The following C10orf90 variants were observed in gnomAD, a reference collection of about 807,000 sequenced individuals.
C10orf90 encodes the protein chromosome 10 open reading frame 90, also known as (E2-independent) E3 ubiquitin-conjugating enzyme FATS.
A neutral mutation model predicts 62.5 loss-of-function variants in C10orf90; 56 were observed. The ratio of observed to expected loss-of-function variants is 0.90; its 90% CI spans 0.72 to 1.12. The LOEUF (loss-of-function observed/expected upper bound fraction) is 1.12. C10orf90 is among the 50% of genes most tolerant of loss of function. The pLI is 0.00. For synonymous variants in C10orf90, 386 were observed against 340.4 expected (o/e 1.13, Z -1.47); for missense variants, 970 against 880.4 (o/e 1.10, Z -1.29).
At chr10:126,564,608 A>G (rs553946816) in intron 2 of C10orf90, among the ~76,000 whole-genome samples, 4 of 149,810 alleles carry the variant, frequency 2.7e-5, no homozygotes, top group African/African-American at 9.8e-5. Context: ...TTGAAACCAT[A>G]GCAACCTCCT....
intron 4 of C10orf90, among the ~76,000 whole-genome samples, chr10:126,471,926 A>AACAC (rs755164094): frequency 1.1e-5 from 1 of 92,636 alleles, no homozygotes; most frequent in Non-Finnish European, 2.0e-5. Context: ...GCAGAAATAA[A>AACAC]ACACACACAC....
rs188799917 is a variant in C10orf90, at chr10:126,584,845, T to C, written c.313+61720A>G. Among the ~76,000 whole-genome samples the C allele has an allele frequency of 3.8e-4, 58 of 151,328 alleles. 1 individual carries two copies. Among genetic ancestry groups the C allele is most frequent in the African/African-American group, 1.3e-3 (54 of 41,410 alleles). On this transcript the variant is annotated intron_variant, in intron 2 of 9. Transcript: ENST00000488181. ...GATCCCTGAGTGACACTATATGATGTGTGTGTGTGTGTGTTGGTAGAGCTC... is the reference window on the plus strand; with the variant it reads ...GATCCCTGAGTGACACTATATGATGCGTGTGTGTGTGTGTTGGTAGAGCTC...
rs878949429 is a variant in C10orf90, at chr10:126,584,622, G to A, written c.313+61943C>T. ...TTCAGGAGAGATGTACTTTGCTCAC[G>A]TGTGCCCATGTTTTGCCCCTGTCCC... is the stretch of plus-strand genomic sequence containing the variant. On this transcript the variant is annotated intron_variant, in intron 2 of 9. Coordinates refer to ENST00000488181, the MANE Select transcript of C10orf90 (RefSeq NM_001350921.2). Among the ~76,000 whole-genome samples the A allele has an allele frequency of 6.6e-5, 10 of 152,150 alleles. 1 individual carries two copies. Among genetic ancestry groups the A allele is most frequent in the Admixed American group, 3.9e-4 (6 of 15,280 alleles).
At chr10:126,435,987 C>T (rs570113821) in intron 7 of C10orf90, among the ~76,000 whole-genome samples, 218 of 152,270 alleles carry the variant, frequency 1.4e-3, no homozygotes, top group Middle Eastern at 3.4e-3. Flanking sequence ...GGTTACTCCT[C>T]AAGAGATCCA....
intron 4 of C10orf90, among the ~76,000 whole-genome samples, chr10:126,483,693 T>G (rs909806526): frequency 1.3e-5 from 2 of 152,250 alleles, no homozygotes; most frequent in African/African-American, 4.8e-5. Flanking sequence ...AGCATAGATT[T>G]CATGCCAACC....
chr10:126,575,864 A>G (rs1363152421), intron 2 of C10orf90, among the ~76,000 whole-genome samples: 5 of 152,094 alleles, frequency 3.3e-5, no homozygotes, highest in Non-Finnish European at 7.4e-5. Context: ...AAACTGAGTC[A>G]CTATAGGCAG....
chr10:126,465,249 G>T (rs1209394164), intron 4 of C10orf90, among the ~76,000 whole-genome samples: 1 of 152,134 alleles, frequency 6.6e-6, no homozygotes, highest in Non-Finnish European at 1.5e-5. Flanking sequence ...TGGGGCCAGA[G>T]TACTTGAGTT....
intron 2 of C10orf90, chr10:126,521,413 G>A: frequency 6.3e-7 from 1 of 1,595,858 alleles, no homozygotes; most frequent in Non-Finnish European, 8.5e-7. Flanking sequence ...AAAATGTCCG[G>A]AGTTTACCTC....
chr10:126,504,421 C>A lies in C10orf90; in HGVS notation c.1070G>T (p.Cys357Phe), dbSNP rs772739499. ...GTCTACGTAATAGATTGAATCTGGA[C>A]ACTGCTGAGACACCCTGAGGTGGAC... ...SCVHLRVSQQ[C>F]PDSIYYVDKS... Residue 357 changes from cysteine (C) to phenylalanine (F), a missense_variant, in exon 4 of 10, where the codon TGT becomes TTT. Coordinates refer to ENST00000488181, the MANE Select transcript of C10orf90 (RefSeq NM_001350921.2). This position sits in a 1 kb window ranked among gnomAD's most constrained non-coding sequence, Gnocchi z 4.1. 11 of 1,614,198 alleles carry A rather than the reference C, an allele frequency of 6.8e-6. No homozygotes were observed. The highest frequency in any genetic ancestry group is 9.3e-6 in the Non-Finnish European group (11 of 1,180,038).
Position 126,504,228 on chromosome 10 carries a change from C to T in C10orf90, c.1263G>A (p.Leu421=), listed in dbSNP as rs760873210. The T allele has an allele frequency of 6.8e-6, 11 of 1,614,180 alleles. No individual in the cohort carries two copies. The South Asian group carries it at 1.1e-4, about 16-fold the overall frequency. The change falls in exon 4 of 10, where the codon CTG becomes CTA. Residue 421 remains leucine, a synonymous_variant. Coordinates refer to ENST00000488181, the MANE Select transcript of C10orf90 (RefSeq NM_001350921.2). The surrounding 1 kb of genome is among the most constrained non-coding windows in gnomAD (Gnocchi z 4.1). ...PISEALKQEL[L]EGDQDLVGQR... Reference sequence around the variant, plus strand: ...GGCCTACGAGGTCCTGGTCTCCCTCCAGGAGCTCCTGCTTCAGGGCTTCGC... The same window carrying T: ...GGCCTACGAGGTCCTGGTCTCCCTCTAGGAGCTCCTGCTTCAGGGCTTCGC...
intron 7 of C10orf90, among the ~76,000 whole-genome samples, chr10:126,447,690 A>T (rs940406982): frequency 1.3e-5 from 2 of 152,218 alleles, no homozygotes; most frequent in African/African-American, 4.8e-5. Flanking sequence ...GCTTTCACAG[A>T]TATACACAGA....
chr10:126,571,669 A>C (rs1289805709), intron 2 of C10orf90, among the ~76,000 whole-genome samples: 1 of 152,172 alleles, frequency 6.6e-6, no homozygotes, highest in African/African-American at 2.4e-5. Flanking sequence ...GACCTGGGGC[A>C]CTGGGTGGGT....
intron 4 of C10orf90, among the ~76,000 whole-genome samples, chr10:126,502,071 CCACA>C (rs1177011036): frequency 1.4e-5 from 2 of 144,540 alleles, no homozygotes; most frequent in Admixed American, 1.4e-4. Flanking sequence ...CACACACACA[CCACA>C]CACACACACC....
chr10:126,560,178 T>G (rs1864868563), intron 2 of C10orf90, among the ~76,000 whole-genome samples: 1 of 152,176 alleles, frequency 6.6e-6, no homozygotes, highest in Admixed American at 6.5e-5. Context: ...CAGCAAGAAT[T>G]ACTTTCAGAA....
chr10:126,503,852 G>A (rs1309054641), intron 4 of C10orf90, 105 bp downstream of exon 4: 1 of 1,371,678 alleles, frequency 7.3e-7, no homozygotes, highest in Non-Finnish European at 9.9e-7. Flanking sequence ...CAAGTCTACT[G>A]AGAAATGCCT....
At chr10:126,486,436 T>G (rs1250463160) in intron 4 of C10orf90, among the ~76,000 whole-genome samples, 1 of 152,102 alleles carries the variant, frequency 6.6e-6, no homozygotes, top group Non-Finnish European at 1.5e-5. Flanking sequence ...CTTAATAATA[T>G]AAGAAACAAC....
At chr10:126,489,294 A>C (rs773030216) in intron 4 of C10orf90, among the ~76,000 whole-genome samples, 17 of 152,308 alleles carry the variant, frequency 1.1e-4, no homozygotes, top group Non-Finnish European at 1.9e-4. Flanking sequence ...CTACAGGTGC[A>C]TAAAAAGCAC....
chr10:126,443,605 A>G (rs1380118395), intron 7 of C10orf90, among the ~76,000 whole-genome samples: 1 of 149,628 alleles, frequency 6.7e-6, no homozygotes, highest in Admixed American at 6.6e-5. Flanking sequence ...CCATTCAAAG[A>G]AGAATTGATA....
intron 1 of C10orf90, among the ~76,000 whole-genome samples, chr10:126,669,949 G>T (rs1025052725): frequency 1.3e-5 from 2 of 152,026 alleles, no homozygotes; most frequent in Non-Finnish European, 2.9e-5. Flanking sequence ...TCTAAACATG[G>T]ATACAAATTA....
Sources: allele counts gnomAD v4.1 joint callset (sites outside exome capture counted in the v4.1 genomes callset), GRCh38; gene constraint gnomAD v4.1.1; non-coding constraint Gnocchi (gnomAD v3.1); transcripts MANE v1.5; gene names NCBI Gene and HGNC (gene_info 2026-07-23, HGNC 2026-07-21).